The following ARHGEF11 variants were observed in gnomAD, a reference collection of about 807,000 sequenced individuals.
ARHGEF11 encodes Rho guanine nucleotide exchange factor 11, also known as Rho guanine exchange factor (GEF) 11.
A neutral mutation model predicts 193.7 loss-of-function variants in ARHGEF11; 55 were observed. That is an observed-to-expected ratio of 0.28 (90% CI 0.23 to 0.36). The LOEUF (loss-of-function observed/expected upper bound fraction) is 0.36. Ranked by LOEUF, ARHGEF11 falls within the 10% of genes least tolerant of loss-of-function variation. The pLI, the probability that ARHGEF11 is intolerant of heterozygous loss-of-function variation, is 1.00. For missense variants in ARHGEF11, 1,723 were observed against 2,005.6 expected, an observed-to-expected ratio of 0.86 and a Z score of 2.69; for synonymous variants, 693 against 768.0, an observed-to-expected ratio of 0.90 and a Z score of 1.62.
chr1:157,035,616 GC>G (rs2103040920), intron 1 of ARHGEF11, among the ~76,000 whole-genome samples: 1 of 151,700 alleles, frequency 6.6e-6, no homozygotes, highest in Non-Finnish European at 1.5e-5. Flanking sequence ...TGTTGGTCAG[GC>G]TGGTACAAAT....
chr1:156,947,589 T>C, intron 25 of ARHGEF11, 139 bp from the exon 26 acceptor site: 2 of 1,343,462 alleles, frequency 1.5e-6, no homozygotes, highest in South Asian at 1.5e-5. Flanking sequence ...TACAGCAACT[T>C]TTCTCTTACT....
intron 14 of ARHGEF11, among the ~76,000 whole-genome samples, chr1:156,961,217 C>T (rs1660787753): frequency 6.6e-6 from 1 of 152,222 alleles, no homozygotes; most frequent in Admixed American, 6.5e-5. Context: ...TGCTGTCTAT[C>T]CCAGACACTC....
rs746467759 is a variant in ARHGEF11, at chr1:156,942,775, G to A, written c.3241C>T (p.Arg1081Trp). The change falls in exon 33 of 41, where the codon CGG becomes TGG. Residue 1081 changes from arginine (R) to tryptophan (W), a missense_variant. Arg to Trp is a moderately radical substitution (Grantham distance 101, BLOSUM62 -3). Coordinates refer to ENST00000368194, the MANE Select transcript of ARHGEF11 (RefSeq NM_198236.3). ...GAGGTGCAGATGATGAAGAAGGCCC[G>A]TTTATCTGTGTGAGGAAAGGAAGGT... ...VLIRSVATDK[R>W]AFFIICTSKL... The A allele has an allele frequency of 3.7e-6, 6 of 1,613,926 alleles. No homozygotes were observed. The highest frequency in any genetic ancestry group is 1.3e-5 in the African/African-American group (1 of 75,054).
intron 7 of ARHGEF11, among the ~76,000 whole-genome samples, chr1:156,976,634 C>T (rs1278940581): frequency 6.6e-6 from 1 of 152,196 alleles, no homozygotes; most frequent in African/African-American, 2.4e-5. Flanking sequence ...AAGTGCTCCC[C>T]ACCTCTTTCA....
intron 21 of ARHGEF11, among the ~76,000 whole-genome samples, chr1:156,954,639 G>A (rs1659676967): frequency 6.6e-6 from 1 of 152,234 alleles, no homozygotes; most frequent in African/African-American, 2.4e-5. Context: ...CTTGCCCCCT[G>A]GAACTCTGAG....
chr1:156,986,865 A>G (rs1664996635), intron 1 of ARHGEF11, among the ~76,000 whole-genome samples: 1 of 152,224 alleles, frequency 6.6e-6, no homozygotes, highest in Admixed American at 6.5e-5. Context: ...GCCTTTGAAA[A>G]TTCCATTTAT....
chr1:157,013,263 T>TCACACACACACACA (rs71084208), intron 1 of ARHGEF11, among the ~76,000 whole-genome samples: 34 of 140,806 alleles, frequency 2.4e-4, no homozygotes, highest in African/African-American at 7.4e-4. Context: ...CCACTATCAC[T>TCACACACACACACA]CACACACACA....
Position 156,960,470 on chromosome 1 carries a change from AG to A in ARHGEF11, c.1240-11del. 2 of 1,614,080 alleles carry A rather than the reference AG, an allele frequency of 1.2e-6. No individual in the cohort carries two copies. The highest frequency in any genetic ancestry group is 1.7e-6 in the Non-Finnish European group (2 of 1,179,992). On this transcript the variant is annotated splice_polypyrimidine_tract_variant and intron_variant, in intron 14 of 40. Coordinates refer to ENST00000368194, the MANE Select transcript of ARHGEF11 (RefSeq NM_198236.3). ...TCTTCACTCTCAGAGGCTAAAAAAC[AG>A]AAGTGTGGAGCAGAAGCAGTCAGGT...
At chr1:157,030,408 GA>G (rs1671153993) in intron 1 of ARHGEF11, among the ~76,000 whole-genome samples, 1 of 152,158 alleles carries the variant, frequency 6.6e-6, no homozygotes. Context: ...AGGCAAAGAA[GA>G]GGGACTTATC....
At chr1:157,026,517 G>A (rs886233986) in intron 1 of ARHGEF11, among the ~76,000 whole-genome samples, 4 of 152,170 alleles carry the variant, frequency 2.6e-5, no homozygotes, top group Non-Finnish European at 4.4e-5. Context: ...GGTAGGGCTA[G>A]AACTGTAGAA....
intron 11 of ARHGEF11, among the ~76,000 whole-genome samples, chr1:156,965,073 A>G (rs1661507991): frequency 6.6e-6 from 1 of 152,252 alleles, no homozygotes; most frequent in Non-Finnish European, 1.5e-5. Flanking sequence ...TGGAAAGTAT[A>G]GGTTTTCTTC....
intron 1 of ARHGEF11, among the ~76,000 whole-genome samples, chr1:157,027,985 C>T (rs1297616063): frequency 1.3e-5 from 2 of 152,156 alleles, no homozygotes; most frequent in Admixed American, 6.5e-5. Flanking sequence ...CTGTTTGAGC[C>T]CTTCCAACAA....
rs1658584223 is a variant in ARHGEF11 at position 156,948,568 on chromosome 1, C to G, written c.1926-70G>C. 3 of 1,613,118 alleles carry G rather than the reference C, an allele frequency of 1.9e-6. No individual in the cohort carries two copies. The highest frequency in any genetic ancestry group is 1.7e-5 in the Admixed American group (1 of 59,986). On this transcript the variant is annotated intron_variant, in intron 22 of 40. Transcript: ENST00000368194. This position sits in a 1 kb window ranked among gnomAD's most constrained non-coding sequence, Gnocchi z 4.2. ...GGCCATGCTTACATCCTGGCTAACT[C>G]TTACCTGTGGCTCCATCTCAAAGAT...
intron 1 of ARHGEF11, among the ~76,000 whole-genome samples, chr1:157,003,224 T>C (rs1465115947): frequency 6.6e-6 from 1 of 152,230 alleles, no homozygotes; most frequent in Non-Finnish European, 1.5e-5. Flanking sequence ...GCAAGTGAGA[T>C]GAAGCTGGGA....
rs137942592 is a variant in ARHGEF11 at position 157,031,529 on chromosome 1, C to T, written c.32+12770G>A. Among the ~76,000 whole-genome samples the T allele has an allele frequency of 1.6e-4, 24 of 152,308 alleles. No individual in the cohort carries two copies. In the East Asian group the frequency reaches 3.9e-3, roughly 24 times the overall value. On this transcript the variant is annotated intron_variant, in intron 1 of 40. Transcript: ENST00000368194. ...CATGTCATGTACCTACCACTATCCTCGGACCCACATCTGCATCTCAGACTC... is the reference window on the plus strand; with the variant it reads ...CATGTCATGTACCTACCACTATCCTTGGACCCACATCTGCATCTCAGACTC...
chr1:156,978,419 C>T (rs753886425), intron 5 of ARHGEF11, 37 bp from the exon 6 acceptor site: 27 of 1,554,464 alleles, frequency 1.7e-5, no homozygotes, highest in Non-Finnish European at 2.3e-5. Context: ...TCCAGGAGTG[C>T]TGTTCTGGAG....
At chr1:156,968,204 A>G in intron 10 of ARHGEF11, 80 bp from the exon 11 acceptor site, 1 of 1,490,282 alleles carries the variant, frequency 6.7e-7, no homozygotes, top group East Asian at 2.3e-5. Context: ...GTTGGTGGTG[A>G]TAACCATACT....
intron 1 of ARHGEF11, among the ~76,000 whole-genome samples, chr1:157,012,814 T>C (rs1668704277): frequency 6.6e-6 from 1 of 152,224 alleles, no homozygotes; most frequent in Non-Finnish European, 1.5e-5. Flanking sequence ...GTAGATGCTA[T>C]ATAAGTTTTA....
upstream of ARHGEF11, among the ~76,000 whole-genome samples, chr1:157,045,869 C>T (rs1206083572): frequency 1.3e-5 from 2 of 151,118 alleles, no homozygotes; most frequent in African/African-American, 4.8e-5. Flanking sequence ...TTCTCCTTCC[C>T]TCGCTCCCGC....
Sources: gnomAD v4.1 joint callset for allele counts (sites outside exome capture counted in the v4.1 genomes callset) on GRCh38, gnomAD v4.1.1 for gene constraint, Gnocchi (gnomAD v3.1) non-coding constraint, MANE v1.5 for transcripts, NCBI Gene and HGNC (gene_info 2026-07-23, HGNC 2026-07-21) for gene names.